Variants in TBC1D14 observed in about 807,000 individuals in gnomAD.
TBC1D14 encodes the protein TBC1 domain family, member 14.
Under a neutral mutation model 79.0 loss-of-function variants are expected in TBC1D14, and 26 were observed. The ratio of observed to expected loss-of-function variants is 0.33; its 90% CI spans 0.24 to 0.46. The LOEUF is 0.46. Ranked by LOEUF, TBC1D14 falls within the 20% of genes least tolerant of loss-of-function variation. TBC1D14 has a pLI of 1.00. For synonymous variants in TBC1D14, 394 were observed against 349.9 expected (o/e 1.13, Z -1.40); for missense variants, 769 against 887.6 (o/e 0.87, Z 1.70).
chr4:6,934,242 T>G (rs1221999164), intron 2 of TBC1D14, among the ~76,000 whole-genome samples: 3 of 150,418 alleles, frequency 2.0e-5, no homozygotes, highest in South Asian at 2.1e-4. Context: ...CCAGGAGATC[T>G]GGGAGGAGAG....
intron 2 of TBC1D14, among the ~76,000 whole-genome samples, chr4:6,963,571 C>T (rs1449642460): frequency 6.6e-6 from 1 of 152,194 alleles, no homozygotes. Flanking sequence ...CTCCCGGGCC[C>T]GGCCACAGCT....
intron 2 of TBC1D14, among the ~76,000 whole-genome samples, chr4:6,940,181 T>C (rs1364413564): frequency 6.6e-6 from 1 of 152,216 alleles, no homozygotes; most frequent in Non-Finnish European, 1.5e-5. Flanking sequence ...GAAAATTCAG[T>C]TTCTTAGTCA....
chr4:6,942,663 T>C (rs551487699), intron 2 of TBC1D14, among the ~76,000 whole-genome samples: 6 of 152,286 alleles, frequency 3.9e-5, no homozygotes, highest in African/African-American at 1.4e-4. Context: ...ACACATTTTC[T>C]GTGGTGGGAG....
chr4:6,999,351 C>T lies in TBC1D14; in HGVS notation c.1163+149C>T, dbSNP rs1719420547. On this transcript the variant is annotated intron_variant, in intron 6 of 13. Transcript: ENST00000409757. ...CTTCCTTCCCTCTACCCTGGCTCAG[C>T]CTGCGCCATCCCTTGCTTGGAGACT... The T allele has an allele frequency of 8.1e-5, 56 of 691,692 alleles. 1 individual carries two copies. The South Asian group carries it at 1.0e-3, about 12-fold the overall frequency. The allele number at this position is 691,692 out of a possible 1,614,324, so 42.8% of individuals were successfully genotyped here.
At chr4:6,914,192 G>A (rs750995052) in intron 1 of TBC1D14, among the ~76,000 whole-genome samples, 33 of 151,554 alleles carry the variant, frequency 2.2e-4, no homozygotes, top group Admixed American at 1.3e-4. Context: ...GTCAGTATAA[G>A]TTAAGTGTCC....
chr4:6,943,173 C>T (rs1018343262), intron 2 of TBC1D14, among the ~76,000 whole-genome samples: 7 of 151,940 alleles, frequency 4.6e-5, no homozygotes, highest in Non-Finnish European at 7.4e-5. Context: ...GAGAGCCAGC[C>T]GTGCCTGAAG....
intron 2 of TBC1D14, among the ~76,000 whole-genome samples, chr4:6,947,048 A>ATC (rs1183095229): frequency 1.3e-5 from 2 of 151,946 alleles, no homozygotes; most frequent in African/African-American, 4.8e-5. Context: ...TTGCTCTGCC[A>ATC]TCTCTCTCTC....
At chr4:6,998,526 A>G (rs1719306536) in intron 5 of TBC1D14, among the ~76,000 whole-genome samples, 2 of 151,246 alleles carry the variant, frequency 1.3e-5, no homozygotes, top group South Asian at 2.1e-4. Flanking sequence ...TGTGGTAACA[A>G]TTGTGTTCTT....
At chr4:6,994,859 C>A (rs1272053882) in intron 4 of TBC1D14, among the ~76,000 whole-genome samples, 3 of 138,022 alleles carry the variant, frequency 2.2e-5, no homozygotes, top group Non-Finnish European at 3.1e-5. Context: ...AGCAAAACTC[C>A]GTCTCAAAAA....
chr4:6,948,469 T>G (rs1296090196), intron 2 of TBC1D14, among the ~76,000 whole-genome samples: 2 of 152,168 alleles, frequency 1.3e-5, no homozygotes, highest in African/African-American at 4.8e-5. Flanking sequence ...TCCCACTCTT[T>G]GTTCTCCCAT....
intron 1 of TBC1D14, among the ~76,000 whole-genome samples, chr4:6,921,448 C>A (rs1723851794): frequency 6.6e-6 from 1 of 152,138 alleles, no homozygotes; most frequent in African/African-American, 2.4e-5. Context: ...CCGAAGCGAT[C>A]CTCCTGCCTC....
Position 7,001,164 on chromosome 4 carries a change from C to G in TBC1D14, c.1183C>G (p.Arg395Gly), listed in dbSNP as rs984723116. 18 of 1,613,870 alleles carry G rather than the reference C, an allele frequency of 1.1e-5. No homozygotes were observed. Among genetic ancestry groups the G allele is most frequent in the Non-Finnish European group, 1.4e-5 (17 of 1,180,008 alleles). The change falls in exon 7 of 14, where the codon CGA becomes GGA. Residue 395 changes from arginine to glycine, a missense_variant. By Grantham distance (125) the Arg-to-Gly change is moderately radical. This residue lies in a region of TBC1D14 where 367 missense variants were observed against 494.4 expected (regional missense o/e 0.74). Transcript: ENST00000409757. ...GTCCAGGTGGTGCTCTAGAAAAGTT[C>G]GAGATTTATGGTGGCAGGGAATCCC... ...WETMWCSRKV[R>G]DLWWQGIPPS...
chr4:6,966,611 C>A (rs1423881999), intron 2 of TBC1D14, among the ~76,000 whole-genome samples: 1 of 152,132 alleles, frequency 6.6e-6, no homozygotes, highest in Admixed American at 6.5e-5. Context: ...GGGCAGTGTG[C>A]CCTTGTTAAA....
intron 2 of TBC1D14, among the ~76,000 whole-genome samples, chr4:6,961,856 G>A (rs996773598): frequency 4.6e-5 from 7 of 152,196 alleles, no homozygotes; most frequent in African/African-American, 1.7e-4. Context: ...AGGACAAGGA[G>A]GCTGGACAGT....
chr4:6,930,103 C>G (rs1301108225), intron 2 of TBC1D14, among the ~76,000 whole-genome samples: 1 of 152,114 alleles, frequency 6.6e-6, no homozygotes, highest in Non-Finnish European at 1.5e-5. Context: ...TTTTGCAGGG[C>G]GGTGTTGGAA....
At chr4:6,917,653 T>A (rs1188260904) in intron 1 of TBC1D14, among the ~76,000 whole-genome samples, 2 of 152,000 alleles carry the variant, frequency 1.3e-5, no homozygotes, top group Non-Finnish European at 2.9e-5. Context: ...CAGAGACGGA[T>A]CAGGAGGGCC....
At chr4:6,995,376 T>A (rs1165577608) in intron 4 of TBC1D14, 1 of 152,204 alleles carries the variant, frequency 6.6e-6, no homozygotes, top group African/African-American at 2.4e-5. Context: ...GTGTTGACAG[T>A]TATTAGTGTA....
intron 1 of TBC1D14, among the ~76,000 whole-genome samples, chr4:6,922,126 C>T (rs1220180463): frequency 6.6e-6 from 1 of 151,992 alleles, no homozygotes; most frequent in Non-Finnish European, 1.5e-5. Flanking sequence ...AATCATGGCT[C>T]ACCACAGCCT....
At chr4:6,917,028 G>A (rs1723459439) in intron 1 of TBC1D14, among the ~76,000 whole-genome samples, 1 of 152,208 alleles carries the variant, frequency 6.6e-6, no homozygotes, top group African/African-American at 2.4e-5. Flanking sequence ...CTCACCATCT[G>A]GTCTAGCCCC....
Sources: gnomAD v4.1 joint callset for allele counts (sites outside exome capture counted in the v4.1 genomes callset) on GRCh38, gnomAD v4.1.1 for gene constraint, gnomAD v4.1.1 regional missense constraint, MANE v1.5 for transcripts, NCBI Gene and HGNC (gene_info 2026-07-23, HGNC 2026-07-21) for gene names.